Variants in DYNC2H1 observed in about 807,000 individuals in gnomAD.
DYNC2H1 encodes cytoplasmic dynein 2 heavy chain 1.
DYNC2H1 carries 410 observed loss-of-function variants against 570.0 expected under a neutral mutation model. The observed-to-expected ratio is 0.72, with a 90% confidence interval of 0.66 to 0.78. The LOEUF (loss-of-function observed/expected upper bound fraction) is 0.78, where lower values mean the gene tolerates loss of function less well. DYNC2H1 is among the 30% of genes least tolerant of loss of function. The pLI is 0.00. For missense variants in DYNC2H1, 4,865 were observed against 5,046.4 expected (o/e 0.96, Z 1.09); for synonymous variants, 1,688 against 1,677.6 (o/e 1.01, Z -0.15).
chr11:103,220,005 G>T lies in DYNC2H1; in HGVS notation c.8923G>T (p.Asp2975Tyr), dbSNP rs1391350015. The change falls in exon 56 of 89, where the codon GAT becomes TAT. Residue 2975 changes from aspartate to tyrosine, a missense_variant. Asp to Tyr is a radical substitution (Grantham distance 160, BLOSUM62 -3). This residue lies in a region of DYNC2H1 where 2,401 missense variants were observed against 2,454.6 expected (regional missense o/e 0.98). Transcript: ENST00000375735. Reference sequence around the variant, plus strand: ...AATTGAAGAAAGAAAAAATAAAATTGATGATGAATTAAAAGAAGTACAAGT... The same window carrying T: ...AATTGAAGAAAGAAAAAATAAAATTTATGATGAATTAAAAGAAGTACAAGT... The part of the protein sequence containing the change: ...VKIEERKNKI[D>Y]DELKEVQPLV... The T allele has an allele frequency of 1.4e-6, 2 of 1,468,712 alleles. No homozygotes were observed. Among genetic ancestry groups the T allele is most frequent in the South Asian group, 1.4e-5 (1 of 72,046 alleles). The allele number at this position is 1,468,712 out of a possible 1,614,324, so 91.0% of individuals were successfully genotyped here. A position where few individuals can be genotyped will look rare whatever the true frequency, so the allele number is the denominator to read the frequency against.
At chr11:103,156,878 C>A in intron 26 of DYNC2H1, 108 bp downstream of exon 26, 1 of 1,351,752 alleles carries the variant, frequency 7.4e-7, no homozygotes, top group South Asian at 1.4e-5. Flanking sequence ...TTGGTATCCT[C>A]TGTGTATTCA....
chr11:103,311,902 T>C lies in DYNC2H1; in HGVS notation c.11518T>C (p.Leu3840=), dbSNP rs1194453460. The C allele has an allele frequency of 6.2e-7, 1 of 1,610,818 alleles. No individual in the cohort carries two copies. Among genetic ancestry groups the C allele is most frequent in the Admixed American group, 1.7e-5 (1 of 59,528 alleles). Reference sequence around the variant, plus strand: ...GTCACCTCCAGGTTTAAAGAAGAATTTAATGCGTACTTATGAGTCTTGGAC... The same window carrying C: ...GTCACCTCCAGGTTTAAAGAAGAATCTAATGCGTACTTATGAGTCTTGGAC... ...YESPPGLKKN[L]MRTYESWTPE... is the part of the protein sequence containing the mutation. Residue 3840 remains leucine, a synonymous_variant, in exon 79 of 89, where the codon TTA becomes CTA. Transcript: ENST00000375735.
Position 103,445,792 on chromosome 11 carries a change from C to T in DYNC2H1, c.12457-9394C>T, listed in dbSNP as rs139098102. 2.2e-3 allele frequency among the ~76,000 whole-genome samples: 342 copies of T among 152,284 alleles called. 3 individuals carry two copies. The highest frequency in any genetic ancestry group is 7.9e-3 in the African/African-American group (328 of 41,552). ...TCAGCCTCCCTAGCAGCTGGGACTA[C>T]AGGCGCACACCATCATGCCCGGCTA... On this transcript the variant is annotated intron_variant, in intron 85 of 88. Coordinates refer to ENST00000375735, the MANE Select transcript of DYNC2H1 (RefSeq NM_001377.3).
chr11:103,142,866 C>G (rs2134827499), intron 17 of DYNC2H1, among the ~76,000 whole-genome samples: 1 of 152,260 alleles, frequency 6.6e-6, no homozygotes. Flanking sequence ...AGACATATGA[C>G]TGAAAATTTG....
At position 103,176,297 on chromosome 11, in the gene DYNC2H1, A is replaced by G. The variant is rs1327537551; in HGVS notation, c.5737A>G (p.Thr1913Ala). The G allele has an allele frequency of 6.4e-7, 1 of 1,550,438 alleles. No homozygotes were observed. Among genetic ancestry groups the G allele is most frequent in the Non-Finnish European group, 8.7e-7 (1 of 1,147,116 alleles). The change falls in exon 37 of 89, where the codon ACT (threonine) becomes GCT (alanine). Residue 1913 changes from threonine to alanine, a missense_variant. By Grantham distance (58) the Thr-to-Ala change is moderately conservative. Transcript: ENST00000375735. ...RLNTMSKFTF[T>A]DCTRFDALIK... ...TAATACCATGTCAAAGTTTACGTTTACTGATTGCACCCGGTTTGATGCACT... is the reference window on the plus strand; with the variant it reads ...TAATACCATGTCAAAGTTTACGTTTGCTGATTGCACCCGGTTTGATGCACT...
chr11:103,110,488 T>C (rs1053318582), intron 1 of DYNC2H1, among the ~76,000 whole-genome samples: 2 of 152,042 alleles, frequency 1.3e-5, no homozygotes, highest in African/African-American at 4.8e-5. Flanking sequence ...AGGGAAAGAT[T>C]AGTTAGGAAT....
chr11:103,265,912 CT>C (rs1421560317), intron 70 of DYNC2H1, among the ~76,000 whole-genome samples: 1 of 152,162 alleles, frequency 6.6e-6, no homozygotes, highest in Non-Finnish European at 1.5e-5. Flanking sequence ...TAGTTAGCTG[CT>C]TTTGTTTCTG....
intron 11 of DYNC2H1, among the ~76,000 whole-genome samples, chr11:103,123,746 A>T (rs1307988715): frequency 1.3e-5 from 2 of 152,114 alleles, no homozygotes; most frequent in African/African-American, 4.8e-5. Flanking sequence ...ACGGTCTGAG[A>T]TCTGCTGTTA....
chr11:103,371,908 T>G (rs1941162853), intron 83 of DYNC2H1, among the ~76,000 whole-genome samples: 1 of 150,284 alleles, frequency 6.7e-6, no homozygotes, highest in Non-Finnish European at 1.5e-5. Flanking sequence ...ACAATTTGGT[T>G]TCTTCCTTTC....
At chr11:103,238,262 A>G (rs1402690625) in intron 63 of DYNC2H1, among the ~76,000 whole-genome samples, 2 of 152,052 alleles carry the variant, frequency 1.3e-5, no homozygotes, top group Admixed American at 6.6e-5. Flanking sequence ...CAGAGATATA[A>G]TCTCCTCATT....
intron 52 of DYNC2H1, among the ~76,000 whole-genome samples, chr11:103,206,029 C>G (rs1321780561): frequency 6.6e-6 from 1 of 152,032 alleles, no homozygotes; most frequent in Non-Finnish European, 1.5e-5. Context: ...TGAAAGTAGA[C>G]TATAGAGAGC....
At chr11:103,111,744 A>AT (rs965140924) in intron 1 of DYNC2H1, among the ~76,000 whole-genome samples, 4 of 152,088 alleles carry the variant, frequency 2.6e-5, no homozygotes, top group Non-Finnish European at 5.9e-5. Context: ...TGTATCTGTT[A>AT]TTTTTAGTTG....
At chr11:103,447,411 G>T (rs1944460399) in intron 85 of DYNC2H1, among the ~76,000 whole-genome samples, 1 of 152,060 alleles carries the variant, frequency 6.6e-6, no homozygotes, top group African/African-American at 2.4e-5. Flanking sequence ...AGAGCTGTGG[G>T]GCCTAAAATC....
At chr11:103,436,198 T>A (rs1044380406) in intron 85 of DYNC2H1, among the ~76,000 whole-genome samples, 166 bp downstream of exon 85, 59 of 19,216 alleles carry the variant, frequency 3.1e-3, no homozygotes, top group Admixed American at 0.018. Context: ...CACTGTTCTA[T>A]TTTTTTTTTT....
At chr11:103,270,149 C>T (rs184947367) in intron 70 of DYNC2H1, among the ~76,000 whole-genome samples, 148 of 149,044 alleles carry the variant, frequency 9.9e-4, no homozygotes, top group African/African-American at 2.5e-3. Context: ...GCTGAGATCA[C>T]GCCACTGCAT....
At chr11:103,404,843 G>C (rs773357874) in intron 84 of DYNC2H1, 1 of 151,750 alleles carries the variant, frequency 6.6e-6, no homozygotes, top group African/African-American at 2.4e-5. Flanking sequence ...AATATTGCAG[G>C]AGATCATTTG....
chr11:103,409,758 T>A (rs1591705441), intron 84 of DYNC2H1: 1 of 153,872 alleles, frequency 6.5e-6, no homozygotes, highest in Admixed American at 6.5e-5. Context: ...CATAGGTAGG[T>A]GTGCTCTTCA....
chr11:103,393,869 C>A (rs770037413), intron 83 of DYNC2H1, among the ~76,000 whole-genome samples: 9 of 152,170 alleles, frequency 5.9e-5, no homozygotes, highest in Non-Finnish European at 8.8e-5. Context: ...AGAGAGAGAG[C>A]TTGTGCTGGA....
At chr11:103,122,676 T>C (rs1348535273) in intron 10 of DYNC2H1, 149 bp from the exon 11 acceptor site, 1 of 703,444 alleles carries the variant, frequency 1.4e-6, no homozygotes, top group East Asian at 2.8e-5. Context: ...TTGATATTTT[T>C]ATATTCTTTG....
Sources: gnomAD v4.1 joint callset for allele counts (sites outside exome capture counted in the v4.1 genomes callset) on GRCh38, gnomAD v4.1.1 for gene constraint, gnomAD v4.1.1 regional missense constraint, MANE v1.5 for transcripts, NCBI Gene and HGNC (gene_info 2026-07-23, HGNC 2026-07-21) for gene names.